Variants in ROBO1 observed in about 807,000 individuals in gnomAD.
ROBO1 encodes the protein roundabout homolog 1.
In ROBO1, 149 loss-of-function variants were observed where a neutral mutation model predicts 195.9. That is an observed-to-expected ratio of 0.76 (90% CI 0.67 to 0.87). The LOEUF (loss-of-function observed/expected upper bound fraction) is 0.87. Ranked by LOEUF, ROBO1 falls within the 40% of genes least tolerant of loss-of-function variation. The pLI, the probability that ROBO1 is intolerant of heterozygous loss-of-function variation, is 0.00. For synonymous variants in ROBO1, 816 were observed against 733.2 expected (o/e 1.11, Z -1.82); for missense variants, 1,933 against 2,068.3 (o/e 0.93, Z 1.27).
chr3:79,730,031 C>G (rs572357010), intron 1 of ROBO1, among the ~76,000 whole-genome samples: 1 of 152,260 alleles, frequency 6.6e-6, no homozygotes, highest in South Asian at 2.1e-4. Flanking sequence ...TGCAAATTAA[C>G]AAGCATTCAC....
chr3:78,882,263 A>T (rs1385993074), intron 4 of ROBO1, among the ~76,000 whole-genome samples: 3 of 152,174 alleles, frequency 2.0e-5, no homozygotes, highest in Non-Finnish European at 1.5e-5. Context: ...CTGGATTGTA[A>T]TTGTAAAAGG....
At chr3:79,014,467 C>T (rs772287498) in intron 3 of ROBO1, among the ~76,000 whole-genome samples, 7 of 152,048 alleles carry the variant, frequency 4.6e-5, no homozygotes, top group Admixed American at 6.6e-5. Context: ...GGTGAGACTC[C>T]ATTTCAAAAA....
At chr3:78,878,843 T>C (rs1336509695) in intron 4 of ROBO1, among the ~76,000 whole-genome samples, 2 of 152,160 alleles carry the variant, frequency 1.3e-5, no homozygotes, top group Non-Finnish European at 2.9e-5. Context: ...CCTTTTACAG[T>C]CTAGGTAAAA....
At chr3:79,185,774 A>C (rs1001340145) in intron 2 of ROBO1, among the ~76,000 whole-genome samples, 2 of 152,128 alleles carry the variant, frequency 1.3e-5, no homozygotes, top group African/African-American at 4.8e-5. Context: ...GCCACATATT[A>C]AATGTTTCAT....
At chr3:79,274,707 T>C (rs889682798) in intron 2 of ROBO1, among the ~76,000 whole-genome samples, 3 of 151,898 alleles carry the variant, frequency 2.0e-5, no homozygotes, top group Non-Finnish European at 4.4e-5. Context: ...AAGTTGTTTC[T>C]ATGAAAGATC....
At chr3:78,647,907 G>T (rs1247162989) in intron 19 of ROBO1, among the ~76,000 whole-genome samples, 3 of 152,078 alleles carry the variant, frequency 2.0e-5, no homozygotes, top group African/African-American at 7.2e-5. Context: ...AGGTTAGCCT[G>T]TGAATGACCC....
chr3:79,365,225 A>AT lies in ROBO1; in HGVS notation c.88+224598dup, dbSNP rs1438438226. 3.9e-5 allele frequency among the ~76,000 whole-genome samples: 6 copies of AT among 152,194 alleles called. No homozygotes were observed. In the South Asian group the frequency reaches 1.0e-3, roughly 26 times the overall value. On this transcript the variant is annotated intron_variant, in intron 2 of 30. Transcript: ENST00000464233. ...ATGGCCACAGCCACCCTTCACCAGCATTTTTTATATCTCTGTGCCATTGAG... is the reference window on the plus strand; with the variant it reads ...ATGGCCACAGCCACCCTTCACCAGCATTTTTTTATATCTCTGTGCCATTGAG...
chr3:79,438,458 T>C (rs1479779489), intron 2 of ROBO1, among the ~76,000 whole-genome samples: 2 of 151,934 alleles, frequency 1.3e-5, no homozygotes, highest in Non-Finnish European at 2.9e-5. Flanking sequence ...CAAATATGGA[T>C]GAGAAAAAAG....
chr3:78,894,213 T>A (rs2037097142), intron 4 of ROBO1, among the ~76,000 whole-genome samples: 1 of 152,096 alleles, frequency 6.6e-6, no homozygotes, highest in African/African-American at 2.4e-5. Context: ...TTTTCAGAGA[T>A]CATGTGACAA....
intron 14 of ROBO1, among the ~76,000 whole-genome samples, chr3:78,663,568 C>A (rs557052820): frequency 6.6e-6 from 1 of 152,228 alleles, no homozygotes; most frequent in African/African-American, 2.4e-5. Context: ...TGGGTTTGCA[C>A]CCCACCTCGG....
intron 2 of ROBO1, among the ~76,000 whole-genome samples, chr3:79,129,337 G>T (rs1287663052): frequency 6.6e-6 from 1 of 151,982 alleles, no homozygotes; most frequent in Non-Finnish European, 1.5e-5. Context: ...ATATATTTTT[G>T]TGTAGGGGTT....
intron 1 of ROBO1, among the ~76,000 whole-genome samples, chr3:79,652,697 G>T (rs1946047016): frequency 6.6e-6 from 1 of 151,988 alleles, no homozygotes; most frequent in South Asian, 2.1e-4. Context: ...TAGTGGTGGT[G>T]ATGGCAGTAG....
chr3:79,201,785 A>G (rs2081769520), intron 2 of ROBO1, among the ~76,000 whole-genome samples: 1 of 151,810 alleles, frequency 6.6e-6, no homozygotes, highest in African/African-American at 2.4e-5. Flanking sequence ...TACAAACTAC[A>G]GCACTTAGCA....
intron 4 of ROBO1, among the ~76,000 whole-genome samples, chr3:78,921,968 G>A (rs2038960017): frequency 6.6e-6 from 1 of 151,916 alleles, no homozygotes; most frequent in Non-Finnish European, 1.5e-5. Context: ...TCTTATTTTA[G>A]TAGAGATGGG....
intron 2 of ROBO1, among the ~76,000 whole-genome samples, chr3:79,288,308 A>ATTAGG (rs1211326587): frequency 7.2e-5 from 11 of 152,176 alleles, no homozygotes; most frequent in Admixed American, 7.2e-4. Flanking sequence ...TCTTTTCTGA[A>ATTAGG]TTACCAGCTT....
intron 4 of ROBO1, among the ~76,000 whole-genome samples, chr3:78,804,961 C>T (rs1293922343): frequency 6.6e-6 from 1 of 152,080 alleles, no homozygotes; most frequent in East Asian, 1.9e-4. Context: ...TTTAAAGAAT[C>T]TCCCTTGGTC....
intron 4 of ROBO1, among the ~76,000 whole-genome samples, chr3:78,923,246 C>G (rs752509527): frequency 6.6e-6 from 1 of 152,092 alleles, no homozygotes; most frequent in Non-Finnish European, 1.5e-5. Context: ...GTGCCAGGTA[C>G]TGTTCTAGAT....
chr3:78,598,267 T>G lies in ROBO1; in HGVS notation c.*646A>C, dbSNP rs1280442739. 1 of 152,350 alleles carries G rather than the reference T, an allele frequency of 6.6e-6. No homozygotes were observed. The highest frequency in any genetic ancestry group is 2.4e-5 in the African/African-American group (1 of 41,472). 9.4% of individuals were successfully genotyped at this position (152,350 alleles called of 1,614,324 possible). On this transcript the variant is annotated 3_prime_UTR_variant, in exon 31 of 31. Coordinates refer to ENST00000464233, the MANE Select transcript of ROBO1 (RefSeq NM_002941.4). ...AAGTACATTTCCAATAAGAATATAC[T>G]TCAATGATTGAAATGAAGCCAAAAT...
intron 4 of ROBO1, among the ~76,000 whole-genome samples, chr3:78,863,640 G>C (rs1425638217): frequency 6.6e-6 from 1 of 152,148 alleles, no homozygotes; most frequent in East Asian, 1.9e-4. Flanking sequence ...GGGATTCTTT[G>C]AATCTGAAAT....
Sources: allele counts gnomAD v4.1 joint callset (sites outside exome capture counted in the v4.1 genomes callset), GRCh38; gene constraint gnomAD v4.1.1; transcripts MANE v1.5; gene names NCBI Gene and HGNC (gene_info 2026-07-23, HGNC 2026-07-21).